Variants in ACTR10 observed in about 807,000 individuals in gnomAD.
ACTR10 encodes the protein actin-related protein 10.
Under a neutral mutation model 56.2 loss-of-function variants are expected in ACTR10, and 43 were observed. That is an observed-to-expected ratio of 0.77 (90% CI 0.60 to 0.99). The LOEUF is 0.99. Among genes scored for constraint, ACTR10 ranks in the 50% least tolerant of loss-of-function variants. ACTR10 has a pLI of 0.00. For missense variants in ACTR10, 466 were observed against 507.8 expected (o/e 0.92, Z 0.79); for synonymous variants, 170 against 176.3 (o/e 0.96, Z 0.28).
At chr14:58,219,219 C>A (rs1889209749) in intron 7 of ACTR10, among the ~76,000 whole-genome samples, 1 of 152,206 alleles carries the variant, frequency 6.6e-6, no homozygotes, top group African/African-American at 2.4e-5. Flanking sequence ...GGTAATATAT[C>A]CAAACCAAAG....
intron 2 of ACTR10, among the ~76,000 whole-genome samples, chr14:58,205,791 G>T (rs531237504): frequency 1.3e-5 from 2 of 152,242 alleles, no homozygotes; most frequent in Admixed American, 6.5e-5. Context: ...GGAGGCTGAG[G>T]TGGCCAGATC....
At chr14:58,229,449 T>C (rs4304949) in intron 10 of ACTR10, among the ~76,000 whole-genome samples, 111,040 of 151,500 alleles carry the variant, frequency 0.73, 41,313 homozygotes, top group Middle Eastern at 0.88. Flanking sequence ...GAGGCCGAGG[T>C]GGGCGGATCA....
intron 1 of ACTR10, among the ~76,000 whole-genome samples, chr14:58,201,547 A>C (rs1348675346): frequency 1.3e-5 from 2 of 152,180 alleles, no homozygotes; most frequent in African/African-American, 4.8e-5. Context: ...ATTATTTGGG[A>C]ATACGAGGAG....
chr14:58,214,297 T>G (rs2140050707), intron 6 of ACTR10, among the ~76,000 whole-genome samples: 1 of 152,294 alleles, frequency 6.6e-6, no homozygotes, highest in South Asian at 2.1e-4. Context: ...CTTATTTCAC[T>G]TAACATAATG....
At chr14:58,228,411 G>A (rs1361615279) in intron 10 of ACTR10, among the ~76,000 whole-genome samples, 1 of 152,094 alleles carries the variant, frequency 6.6e-6, no homozygotes. Context: ...TTGAGGCCAG[G>A]AGTTCGAGAC....
intron 10 of ACTR10, among the ~76,000 whole-genome samples, chr14:58,226,908 T>C (rs1392150575): frequency 6.6e-6 from 1 of 152,174 alleles, no homozygotes; most frequent in African/African-American, 2.4e-5. Context: ...CCTAACATGT[T>C]GTTTCTACCA....
At chr14:58,216,982 A>C (rs1026389364) in intron 7 of ACTR10, among the ~76,000 whole-genome samples, 1 of 152,202 alleles carries the variant, frequency 6.6e-6, no homozygotes, top group Admixed American at 6.5e-5. Flanking sequence ...TGCGACACTT[A>C]GGCATACCTA....
intron 5 of ACTR10, among the ~76,000 whole-genome samples, chr14:58,211,796 C>G (rs1027253509): frequency 6.6e-6 from 1 of 151,998 alleles, no homozygotes; most frequent in African/African-American, 2.4e-5. Flanking sequence ...CTTCAAACAG[C>G]TGAAGAGCTC....
At chr14:58,205,658 G>T (rs527849515) in intron 2 of ACTR10, among the ~76,000 whole-genome samples, 1 of 152,176 alleles carries the variant, frequency 6.6e-6, no homozygotes, top group South Asian at 2.1e-4. Flanking sequence ...TCATTTCATT[G>T]ATTTTAAATT....
chr14:58,230,609 T>G lies in ACTR10; in HGVS notation c.870+129T>G, dbSNP rs190031064. The G allele has an allele frequency of 7.2e-4, 302 of 418,676 alleles. 1 individual carries two copies. The highest frequency in any genetic ancestry group is 5.1e-3 in the Middle Eastern group (8 of 1,578). The allele number at this position is 418,676 out of a possible 1,614,324, so 25.9% of individuals were successfully genotyped here. A position where few individuals can be genotyped will look rare whatever the true frequency, so the allele number is the denominator to read the frequency against. The stretch of plus-strand genomic sequence containing the variant: ...TAATATGTGTCAACAACTAATCTGC[T>G]TATTAAATTTTATTAATTTTTACAG... On this transcript the variant is annotated intron_variant, in intron 11 of 12. Coordinates refer to ENST00000254286, the MANE Select transcript of ACTR10 (RefSeq NM_018477.3).
At chr14:58,228,782 C>T (rs1426637380) in intron 10 of ACTR10, among the ~76,000 whole-genome samples, 1 of 143,336 alleles carries the variant, frequency 7.0e-6, no homozygotes, top group Non-Finnish European at 1.5e-5. Context: ...CAAGCCATTC[C>T]CCTGCTCTGC....
intron 10 of ACTR10, among the ~76,000 whole-genome samples, chr14:58,226,380 G>A (rs938327794): frequency 6.6e-6 from 1 of 150,406 alleles, no homozygotes; most frequent in Admixed American, 6.6e-5. Flanking sequence ...AGAGTGTTGG[G>A]ATTACAGGCA....
At chr14:58,222,969 T>C (rs1007608753) in intron 8 of ACTR10, among the ~76,000 whole-genome samples, 1 of 152,132 alleles carries the variant, frequency 6.6e-6, no homozygotes, top group South Asian at 2.1e-4. Flanking sequence ...ATTTTTATGA[T>C]GGTAAAATTA....
chr14:58,221,609 A>G (rs1205534079), intron 8 of ACTR10, among the ~76,000 whole-genome samples: 3 of 152,098 alleles, frequency 2.0e-5, no homozygotes, highest in Non-Finnish European at 4.4e-5. Flanking sequence ...AAAGAAAACA[A>G]AAACAAAAAC....
Position 58,213,584 on chromosome 14 carries a change from A to G in ACTR10, c.451-47A>G, listed in dbSNP as rs753414834. 1.7e-5 allele frequency: 23 copies of G among 1,364,746 alleles called. No homozygotes were observed. In the Admixed American group the frequency reaches 3.3e-4, roughly 20 times the overall value. The allele number at this position is 1,364,746 out of a possible 1,614,324, so 84.5% of individuals were successfully genotyped here. On this transcript the variant is annotated intron_variant, in intron 5 of 12. Transcript: ENST00000254286. ...AGAAGGTGAGGAAAATATCAAGGAAACCACATTTTATCTCCTAAAATAGTA... is the reference window on the plus strand; with the variant it reads ...AGAAGGTGAGGAAAATATCAAGGAAGCCACATTTTATCTCCTAAAATAGTA...
At chr14:58,207,382 G>A (rs1459059064) in intron 2 of ACTR10, among the ~76,000 whole-genome samples, 2 of 151,752 alleles carry the variant, frequency 1.3e-5, no homozygotes, top group Non-Finnish European at 1.5e-5. Flanking sequence ...CTAGAGAGCA[G>A]TGGAGCCATC....
intron 4 of ACTR10, among the ~76,000 whole-genome samples, chr14:58,210,576 TGAA>T (rs560948694): frequency 7.0e-4 from 107 of 152,220 alleles, no homozygotes; most frequent in African/African-American, 2.4e-3. Flanking sequence ...ATAAAAACAA[TGAA>T]GAATTTTTTT....
chr14:58,203,302 C>CAAAA (rs11384472), intron 2 of ACTR10, among the ~76,000 whole-genome samples: 2 of 105,412 alleles, frequency 1.9e-5, no homozygotes, highest in Non-Finnish European at 3.6e-5. Context: ...GACTTCGTCT[C>CAAAA]AAAAAAAAAA....
At chr14:58,231,779 C>T (rs951538606) in intron 11 of ACTR10, among the ~76,000 whole-genome samples, 1 of 152,160 alleles carries the variant, frequency 6.6e-6, no homozygotes, top group Non-Finnish European at 1.5e-5. Flanking sequence ...TGAGAACACT[C>T]ACATATGCCC....
Sources: gnomAD v4.1 joint callset for allele counts (sites outside exome capture counted in the v4.1 genomes callset) on GRCh38, gnomAD v4.1.1 for gene constraint, MANE v1.5 for transcripts, NCBI Gene and HGNC (gene_info 2026-07-23, HGNC 2026-07-21) for gene names.